Variants in LRCH1 observed in about 807,000 individuals in gnomAD.
LRCH1 encodes the protein leucine rich repeats and calponin homology domain containing 1, also known as leucine-rich repeat and calponin homology domain-containing protein 1.
Under a neutral mutation model 94.9 loss-of-function variants are expected in LRCH1, and 23 were observed. The observed-to-expected ratio is 0.24, with a 90% CI of 0.17 to 0.34. The LOEUF is 0.34. Among genes scored for constraint, LRCH1 ranks in the 10% least tolerant of loss-of-function variants. LRCH1 has a pLI of 1.00. For synonymous variants in LRCH1, 364 were observed against 354.9 expected (o/e 1.03, Z -0.29); for missense variants, 790 against 945.9 (o/e 0.84, Z 2.16).
intron 1 of LRCH1, among the ~76,000 whole-genome samples, chr13:46,590,960 T>G (rs542876469): frequency 6.6e-6 from 1 of 152,246 alleles, no homozygotes; most frequent in Admixed American, 6.5e-5. Flanking sequence ...ACTTTATTTT[T>G]CATTGCTTAT....
chr13:46,655,196 C>T (rs925352310), intron 2 of LRCH1, among the ~76,000 whole-genome samples: 2 of 152,186 alleles, frequency 1.3e-5, no homozygotes, highest in African/African-American at 4.8e-5. Flanking sequence ...ATGTCACTCC[C>T]TAACCAGCTT....
intron 2 of LRCH1, among the ~76,000 whole-genome samples, chr13:46,657,114 A>C (rs1024632277): frequency 3.7e-4 from 57 of 152,250 alleles, no homozygotes; most frequent in African/African-American, 1.3e-3. Flanking sequence ...TTTGTGCAGC[A>C]GGTTAGTGCT....
At chr13:46,554,843 T>C (rs942132517) in intron 1 of LRCH1, among the ~76,000 whole-genome samples, 3 of 152,286 alleles carry the variant, frequency 2.0e-5, no homozygotes, top group Middle Eastern at 3.4e-3. Flanking sequence ...CCAGACCTCT[T>C]GGCTGTCATC....
chr13:46,590,835 T>C (rs2050491244), intron 1 of LRCH1, among the ~76,000 whole-genome samples: 1 of 152,224 alleles, frequency 6.6e-6, no homozygotes, highest in African/African-American at 2.4e-5. Context: ...TTCACTCCCT[T>C]CTAGTCTTCA....
At chr13:46,597,204 A>G (rs562551705) in intron 1 of LRCH1, among the ~76,000 whole-genome samples, 1 of 152,322 alleles carries the variant, frequency 6.6e-6, no homozygotes, top group Non-Finnish European at 1.5e-5. Context: ...GAACAAGGTG[A>G]CACTCTGCCT....
intron 19 of LRCH1, among the ~76,000 whole-genome samples, chr13:46,736,927 G>A (rs1398989249): frequency 6.6e-6 from 1 of 152,178 alleles, no homozygotes; most frequent in Non-Finnish European, 1.5e-5. Flanking sequence ...ACCATAGTCA[G>A]GGTCAGCAGT....
chr13:46,657,581 G>C (rs1294407142), intron 2 of LRCH1, among the ~76,000 whole-genome samples: 1 of 116,400 alleles, frequency 8.6e-6, no homozygotes, highest in East Asian at 2.7e-4. Flanking sequence ...CTAGAGTGCA[G>C]TGGTGTGATC....
intron 2 of LRCH1, among the ~76,000 whole-genome samples, chr13:46,650,811 C>T (rs2051286025): frequency 6.6e-6 from 1 of 151,782 alleles, no homozygotes; most frequent in Non-Finnish European, 1.5e-5. Context: ...CTAATTGAGC[C>T]CATTCACTTT....
intron 18 of LRCH1, chr13:46,750,451 C>G (rs1223879934): frequency 1.1e-6 from 1 of 919,494 alleles, no homozygotes; most frequent in Non-Finnish European, 1.7e-6. Flanking sequence ...AGTATTCAAC[C>G]TAACTTTGAT....
At chr13:46,581,803 C>T (rs2050368630) in intron 1 of LRCH1, among the ~76,000 whole-genome samples, 1 of 152,226 alleles carries the variant, frequency 6.6e-6, no homozygotes, top group Non-Finnish European at 1.5e-5. Context: ...TCCACCTTCT[C>T]AAGCCCACAT....
intron 1 of LRCH1, among the ~76,000 whole-genome samples, chr13:46,641,216 A>G (rs1270078946): frequency 6.6e-6 from 1 of 152,118 alleles, no homozygotes; most frequent in Non-Finnish European, 1.5e-5. Context: ...GGATAGAAAG[A>G]TGTAGCTGCG....
intron 1 of LRCH1, among the ~76,000 whole-genome samples, chr13:46,572,545 G>A (rs1157706803): frequency 6.6e-6 from 1 of 151,894 alleles, no homozygotes; most frequent in African/African-American, 2.4e-5. Flanking sequence ...AGTGGACAGG[G>A]GTATAGTTTG....
chr13:46,581,139 C>A (rs556246619), intron 1 of LRCH1, among the ~76,000 whole-genome samples: 1 of 152,294 alleles, frequency 6.6e-6, no homozygotes, highest in African/African-American at 2.4e-5. Flanking sequence ...CATGTGTCAG[C>A]TGCATCATGT....
chr13:46,723,315 G>A lies in LRCH1; in HGVS notation c.1854G>A (p.Val618=), dbSNP rs1872670896. The A allele has an allele frequency of 1.2e-6, 2 of 1,610,108 alleles. No individual in the cohort carries two copies. The highest frequency in any genetic ancestry group is 1.3e-5 in the African/African-American group (1 of 74,798). ...MEQMREEKEL[V]EQLRESIEMR... is the part of the protein sequence containing the mutation. ...AGATGAGAGAAGAGAAAGAGCTGGT[G>A]GAACAACTTCGTGAGGTACCCAAGA... Residue 618 remains valine (V), a synonymous_variant, in exon 17 of 20, where the codon GTG becomes GTA. Coordinates refer to ENST00000389797, the MANE Select transcript of LRCH1 (RefSeq NM_001164211.2).
intron 13 of LRCH1, among the ~76,000 whole-genome samples, chr13:46,706,850 ATTTG>A (rs1407782984): frequency 2.0e-5 from 3 of 152,160 alleles, no homozygotes; most frequent in Admixed American, 1.3e-4. Flanking sequence ...CATTTGTTAT[ATTTG>A]TTCTCTTTCT....
intron 17 of LRCH1, among the ~76,000 whole-genome samples, chr13:46,727,563 C>T (rs1566252637): frequency 6.6e-6 from 1 of 152,254 alleles, no homozygotes; most frequent in East Asian, 1.9e-4. Flanking sequence ...AGAGCAGTGG[C>T]GCAATCTCGG....
chr13:46,742,062 AACG>A lies in LRCH1; in HGVS notation c.*223_*225del. The A allele has an allele frequency of 7.1e-7, 1 of 1,406,566 alleles. No homozygotes were observed. Among genetic ancestry groups the A allele is most frequent in the East Asian group, 2.7e-5 (1 of 37,682 alleles). The allele number at this position is 1,406,566 out of a possible 1,614,324, so 87.1% of individuals were successfully genotyped here. On this transcript the variant is annotated 3_prime_UTR_variant, in exon 20 of 20. Coordinates refer to ENST00000389797, the MANE Select transcript of LRCH1 (RefSeq NM_001164211.2). ...TAATTCCTCTCACTTACTGAAATAC[AACG>A]ACGACGACTGCAAAGTGTATGCACA...
At chr13:46,717,651 A>C (rs908511974) in intron 16 of LRCH1, 14 of 152,236 alleles carry the variant, frequency 9.2e-5, no homozygotes, top group African/African-American at 3.4e-4. Context: ...CTTTGTAAAT[A>C]ACCTTTATAA....
At chr13:46,597,149 CA>C (rs1283888118) in intron 1 of LRCH1, among the ~76,000 whole-genome samples, 1 of 152,058 alleles carries the variant, frequency 6.6e-6, no homozygotes, top group African/African-American at 2.4e-5. Context: ...TACAGAGCAG[CA>C]AAAAAATTTG....
Sources: gnomAD v4.1 joint callset for allele counts (sites outside exome capture counted in the v4.1 genomes callset) on GRCh38, gnomAD v4.1.1 for gene constraint, MANE v1.5 for transcripts, NCBI Gene and HGNC (gene_info 2026-07-23, HGNC 2026-07-21) for gene names.